Variants in ATP2B4 observed in about 807,000 individuals in gnomAD.
ATP2B4 encodes the protein ATPase plasma membrane Ca2+ transporting 4.
In ATP2B4, 39 loss-of-function variants were observed where a neutral mutation model predicts 110.3. The observed-to-expected ratio is 0.35, with a 90% confidence interval of 0.27 to 0.46. The LOEUF is 0.46. Ranked by LOEUF, ATP2B4 falls within the 20% of genes least tolerant of loss-of-function variation. ATP2B4 has a pLI of 1.00. For synonymous variants in ATP2B4, 538 were observed against 571.7 expected (o/e 0.94, Z 0.84); for missense variants, 1,135 against 1,530.9 (o/e 0.74, Z 4.32).
Position 203,720,643 on chromosome 1 carries a change from G to A in ATP2B4, c.2501G>A (p.Arg834Gln), listed in dbSNP as rs147313187. Residue 834 changes from arginine to glutamine, a missense_variant, in exon 16 of 21, where the codon CGA (arginine) becomes CAA (glutamine). Physicochemically the swap from Arg to Gln is conservative, Grantham distance 43. Coordinates refer to ENST00000357681, the MANE Select transcript of ATP2B4 (RefSeq NM_001684.5). ...TSIVKAVMWG[R>Q]NVYDSISKFL... The stretch of plus-strand genomic sequence containing the variant: ...ATTGTGAAGGCAGTGATGTGGGGAC[G>A]AAATGTCTATGACAGCATCTCCAAG... 6.2e-7 allele frequency: 1 copy of A among 1,614,008 alleles called. No homozygotes were observed. The highest frequency in any genetic ancestry group is 1.7e-5 in the Admixed American group (1 of 60,002).
intron 1 of ATP2B4, among the ~76,000 whole-genome samples, chr1:203,660,961 T>C (rs1324361205): frequency 6.7e-6 from 1 of 149,992 alleles, no homozygotes; most frequent in Non-Finnish European, 1.5e-5. Context: ...AATACAAAAA[T>C]TAGCCGGGCA....
intron 1 of ATP2B4, among the ~76,000 whole-genome samples, chr1:203,644,586 T>C (rs968447764): frequency 5.3e-5 from 8 of 152,222 alleles, no homozygotes; most frequent in African/African-American, 1.9e-4. Flanking sequence ...AATGTACTTC[T>C]AGGATGTTTC....
chr1:203,654,121 T>G (rs1664086921), intron 1 of ATP2B4, among the ~76,000 whole-genome samples: 1 of 151,698 alleles, frequency 6.6e-6, no homozygotes, highest in Non-Finnish European at 1.5e-5. Context: ...GTAGCTGGGA[T>G]TACAGGCGCA....
At chr1:203,633,611 A>G (rs1663343109) in intron 1 of ATP2B4, among the ~76,000 whole-genome samples, 1 of 152,034 alleles carries the variant, frequency 6.6e-6, no homozygotes, top group Non-Finnish European at 1.5e-5. Flanking sequence ...TAAAAATATA[A>G]AAATTAGCCG....
At chr1:203,711,784 G>C (rs538764589) in intron 12 of ATP2B4, among the ~76,000 whole-genome samples, 176 bp from the exon 13 acceptor site, 57 of 152,300 alleles carry the variant, frequency 3.7e-4, no homozygotes, top group African/African-American at 1.3e-3. Flanking sequence ...GCCGTGGGTA[G>C]GACAGAAGTG....
At chr1:203,710,241 G>A (rs535612134) in intron 11 of ATP2B4, among the ~76,000 whole-genome samples, 10 of 151,494 alleles carry the variant, frequency 6.6e-5, no homozygotes, top group East Asian at 1.9e-4. Flanking sequence ...ATGGTGGTGC[G>A]TGCCTGTAAT....
chr1:203,698,351 G>T lies in ATP2B4; in HGVS notation c.388G>T (p.Glu130Ter). The T allele has an allele frequency of 6.2e-7, 1 of 1,614,012 alleles. No homozygotes were observed. The highest frequency in any genetic ancestry group is 1.1e-5 in the South Asian group (1 of 91,066). The change falls in exon 3 of 21, where the codon GAA (glutamate) becomes TAA (stop). Residue 130 changes from glutamate (E) to a stop codon, truncating the protein, a stop_gained. Transcript: ENST00000357681. LOFTEE classifies it high-confidence loss of function. Reference protein sequence around the residue: ...SFYRPAGEENELCGQVATTPE... With the variant: ...SFYRPAGEEN Reference sequence around the variant, plus strand: ...TTATCGCCCTGCTGGTGAAGAAAATGAACGTGAGTGTCCTAAACAGCTCAG... The same window carrying T: ...TTATCGCCCTGCTGGTGAAGAAAATTAACGTGAGTGTCCTAAACAGCTCAG...
At chr1:203,735,061 C>A (rs192543198) in intron 20 of ATP2B4, among the ~76,000 whole-genome samples, 1 of 143,998 alleles carries the variant, frequency 6.9e-6, no homozygotes, top group African/African-American at 2.6e-5. Context: ...CATGAAGGTA[C>A]GAGAAATATA....
At chr1:203,668,921 G>T (rs1279734161) in intron 1 of ATP2B4, among the ~76,000 whole-genome samples, 4 of 152,196 alleles carry the variant, frequency 2.6e-5, no homozygotes, top group Admixed American at 6.5e-5. Flanking sequence ...ATACACATAA[G>T]TATGGGATAA....
Position 203,710,985 on chromosome 1 carries a change from G to C in ATP2B4, c.1908G>C (p.Arg636=), listed in dbSNP as rs1256393111. 7 of 1,613,994 alleles carry C rather than the reference G, an allele frequency of 4.3e-6. No individual in the cohort carries two copies. In the African/African-American group the frequency reaches 8.0e-5, roughly 18 times the overall value. Residue 636 remains arginine, a synonymous_variant, in exon 12 of 21, where the codon CGG becomes CGC. Transcript: ENST00000357681. ...AGCCCATGGCCTGTGATGGACTCCG[G>C]ACTATCTGCATAGCTTACCGGGACT... ...VIEPMACDGL[R]TICIAYRDFD...
At chr1:203,686,186 T>G (rs1571721595) in intron 2 of ATP2B4, among the ~76,000 whole-genome samples, 1 of 152,194 alleles carries the variant, frequency 6.6e-6, no homozygotes, top group Non-Finnish European at 1.5e-5. Context: ...CTGTTCTTAA[T>G]TATATCTTCA....
In ATP2B4 at chr1:203,675,939, G is replaced by C. The variant is rs575954056; in HGVS notation, c.-464-6803G>C. 9.9e-5 allele frequency among the ~76,000 whole-genome samples: 15 copies of C among 152,242 alleles called. No individual in the cohort carries two copies. In the East Asian group the frequency reaches 2.9e-3, roughly 29 times the overall value. On this transcript the variant is annotated intron_variant, in intron 1 of 20. Coordinates refer to ENST00000357681, the MANE Select transcript of ATP2B4 (RefSeq NM_001684.5). ...AGGGGGGAGAGGGAAGAGCAAAGGA[G>C]ACATGAACCAGAACCCAGAACTTCA... is the stretch of plus-strand genomic sequence containing the variant.
chr1:203,698,076 G>T (rs1665585829), intron 2 of ATP2B4, 81 bp from the exon 3 acceptor site: 3 of 1,211,722 alleles, frequency 2.5e-6, no homozygotes, highest in Non-Finnish European at 2.4e-6. Context: ...ACATGATCAT[G>T]GCTCACTGCC....
chr1:203,727,725 A>T (rs1325663803), intron 20 of ATP2B4, 154 bp downstream of exon 20: 1 of 883,142 alleles, frequency 1.1e-6, no homozygotes, highest in East Asian at 2.7e-5. Context: ...CAGGACAGAC[A>T]CGCAAAAGGA....
At chr1:203,718,396 A>T (rs12085512) in intron 15 of ATP2B4, among the ~76,000 whole-genome samples, 37,264 of 151,882 alleles carry the variant, frequency 0.25, 5,392 homozygotes, top group East Asian at 0.62. Flanking sequence ...CCTCCCAGGT[A>T]CAAGCAGTTC....
At chr1:203,699,773 G>A (rs375133296) in intron 4 of ATP2B4, 56 bp downstream of exon 4, 6 of 1,594,750 alleles carry the variant, frequency 3.8e-6, no homozygotes, top group Admixed American at 1.7e-5. Context: ...TTAAGGGATA[G>A]GTCCTTTGGC....
intron 1 of ATP2B4, among the ~76,000 whole-genome samples, chr1:203,639,322 C>T (rs1440132226): frequency 2.0e-5 from 3 of 152,148 alleles, no homozygotes; most frequent in Non-Finnish European, 2.9e-5. Flanking sequence ...AAACATGAAG[C>T]GAGCACAGAC....
chr1:203,657,671 T>C, intron 1 of ATP2B4: 1 of 782,220 alleles, frequency 1.3e-6, no homozygotes, highest in South Asian at 1.4e-5. Flanking sequence ...CATAAGCCTC[T>C]CAGCTTTCCT....
chr1:203,707,831 C>A lies in ATP2B4; in HGVS notation c.1315-31C>A, dbSNP rs200991789. 65 of 1,609,394 alleles carry A rather than the reference C, an allele frequency of 4.0e-5. No homozygotes were observed. The Admixed American group carries it at 4.8e-4, about 12-fold the overall frequency. ...GATTTAGGAGAGTCCAGTTAGTCCC[C>A]CTCTCAAGTCTTTTCTCTTCTCCTT... On this transcript the variant is annotated intron_variant, in intron 9 of 20. Coordinates refer to ENST00000357681, the MANE Select transcript of ATP2B4 (RefSeq NM_001684.5).
Sources: gnomAD v4.1 joint callset for allele counts (sites outside exome capture counted in the v4.1 genomes callset) on GRCh38, gnomAD v4.1.1 for gene constraint, MANE v1.5 for transcripts, NCBI Gene and HGNC (gene_info 2026-07-23, HGNC 2026-07-21) for gene names.